SYNE1: variants seen among roughly 807,000 people sequenced by gnomAD.
The protein encoded by SYNE1 is spectrin repeat containing nuclear envelope protein 1.
In SYNE1, 616 loss-of-function variants were observed where a neutral mutation model predicts 1,111.0. The ratio of observed to expected loss-of-function variants is 0.55; its 90% confidence interval spans 0.52 to 0.59. SYNE1 has a LOEUF of 0.59. SYNE1 is among the 20% of genes least tolerant of loss of function. The pLI, the probability that SYNE1 is intolerant of heterozygous loss-of-function variation, is 0.00. For missense variants in SYNE1, 10,006 were observed against 10,417.0 expected, an observed-to-expected ratio of 0.96 and a Z score of 1.72; for synonymous variants, 3,855 against 3,825.8, an observed-to-expected ratio of 1.01 and a Z score of -0.28.
In SYNE1 at chr6:152,220,758, T is replaced by C. The variant is rs1446556379; in HGVS notation, c.21861+84A>G. On this transcript the variant is annotated intron_variant, in intron 119 of 145. Transcript: ENST00000367255. ...GGTAACTGTCTCACATAGAAAGACA[T>C]ACCAAAGCTTACACAGACCAAAAGC... 3.2e-6 allele frequency: 4 copies of C among 1,254,688 alleles called. No homozygotes were observed. In the Admixed American group the frequency reaches 5.0e-5, roughly 16 times the overall value. 77.7% of individuals were successfully genotyped at this position (1,254,688 alleles called of 1,614,324 possible).
At chr6:152,432,558 A>T (rs1476564601) in intron 34 of SYNE1, among the ~76,000 whole-genome samples, 1 of 152,238 alleles carries the variant, frequency 6.6e-6, no homozygotes, top group Non-Finnish European at 1.5e-5. Flanking sequence ...GAAAACATGT[A>T]ATCTTTTTTT....
At chr6:152,588,827 G>A (rs972520321) in intron 3 of SYNE1, among the ~76,000 whole-genome samples, 1 of 152,206 alleles carries the variant, frequency 6.6e-6, no homozygotes, top group African/African-American at 2.4e-5. Context: ...GCCCATCCAG[G>A]TGGGTCCCTG....
At chr6:152,372,214 A>C (rs542711754) in intron 59 of SYNE1, among the ~76,000 whole-genome samples, 1 of 152,198 alleles carries the variant, frequency 6.6e-6, no homozygotes, top group Non-Finnish European at 1.5e-5. Context: ...TCTAGGCACA[A>C]TGGTTATCAC....
chr6:152,445,649 T>C (rs758700619), intron 29 of SYNE1, among the ~76,000 whole-genome samples: 2 of 152,100 alleles, frequency 1.3e-5, no homozygotes, highest in Non-Finnish European at 2.9e-5. Flanking sequence ...ACTCCCAATT[T>C]CAATATAAAT....
rs2095521530 is a variant in SYNE1 at position 152,310,693 on chromosome 6, C to T, written c.16891G>A (p.Ala5631Thr). The change falls in exon 88 of 146, where the codon GCT (alanine) becomes ACT (threonine). Residue 5631 changes from alanine to threonine, a missense_variant. Coordinates refer to ENST00000367255, the MANE Select transcript of SYNE1 (RefSeq NM_182961.4). ...TTTTTTTTTTCTTTTTTTACCTTAG[C>T]TGCATCTTGGAGGTTCTGCAAACGA... Reference protein sequence around the residue: ...KIRLQNLQDAAKDMKKFEAEL... With the variant: ...KIRLQNLQDATKDMKKFEAEL... 3.1e-6 allele frequency: 5 copies of T among 1,613,224 alleles called. No homozygotes were observed. Among genetic ancestry groups the T allele is most frequent in the Non-Finnish European group, 4.2e-6 (5 of 1,179,864 alleles).
chr6:152,497,362 T>G (rs1347882405), intron 11 of SYNE1, among the ~76,000 whole-genome samples: 1 of 152,210 alleles, frequency 6.6e-6, no homozygotes, highest in Non-Finnish European at 1.5e-5. Context: ...GTGAATATAA[T>G]TAAGGTACAT....
chr6:152,168,694 A>G (rs1012035621), intron 130 of SYNE1, among the ~76,000 whole-genome samples: 1 of 152,224 alleles, frequency 6.6e-6, no homozygotes, highest in Non-Finnish European at 1.5e-5. Flanking sequence ...TTTTGGGTTC[A>G]GTATGCCAGC....
chr6:152,565,669 T>TAA lies in SYNE1; in HGVS notation c.68-25650_68-25649dup, dbSNP rs397886571. Among the ~76,000 whole-genome samples the TAA allele has an allele frequency of 4.2e-5, 6 of 141,694 alleles. No homozygotes were observed. In the East Asian group the frequency reaches 1.0e-3, roughly 24 times the overall value. The allele number at this position is 141,694 out of a possible 152,430, so 93.0% of individuals were successfully genotyped here. On this transcript the variant is annotated intron_variant, in intron 3 of 145. Transcript: ENST00000367255. Reference sequence around the variant, plus strand: ...TTCAGACAAGTTCCCTGCTGAAGTTTAAAAAAAAAAAAAAGGAGGCTCTAA... The same window carrying TAA: ...TTCAGACAAGTTCCCTGCTGAAGTTTAAAAAAAAAAAAAAAAGGAGGCTCTAA...
intron 3 of SYNE1, among the ~76,000 whole-genome samples, chr6:152,600,662 T>G (rs1485528616): frequency 6.6e-6 from 1 of 152,190 alleles, no homozygotes; most frequent in Non-Finnish European, 1.5e-5. Context: ...CCAATTTTCA[T>G]GTTCATGTTT....
intron 73 of SYNE1, among the ~76,000 whole-genome samples, chr6:152,346,723 T>C (rs2096641070): frequency 6.6e-6 from 1 of 151,976 alleles, no homozygotes; most frequent in Non-Finnish European, 1.5e-5. Flanking sequence ...AGTAGGAGAA[T>C]GGCGTGAACC....
At position 152,605,027 on chromosome 6, in the gene SYNE1, A is replaced by AGG. The variant is rs1277805800; in HGVS notation, c.67+23237_67+23238insCC. On this transcript the variant is annotated intron_variant, in intron 3 of 145. Coordinates refer to ENST00000367255, the MANE Select transcript of SYNE1 (RefSeq NM_182961.4). ...AAGAAAGAGAGAGAGAGAGAGAGAG[A>AGG]GAGAGAGAGGGAGGGAGGGAGGGAG... 8.4e-4 allele frequency among the ~76,000 whole-genome samples: 57 copies of AGG among 67,726 alleles called. 1 individual carries two copies. The highest frequency in any genetic ancestry group is 3.3e-3 in the South Asian group (4 of 1,224). The allele number at this position is 67,726 out of a possible 152,430, so 44.4% of individuals were successfully genotyped here.
intron 141 of SYNE1, 112 bp from the exon 142 acceptor site, chr6:152,135,344 A>T: frequency 8.6e-7 from 1 of 1,163,588 alleles, no homozygotes; most frequent in Non-Finnish European, 1.2e-6. Flanking sequence ...AAGAACATAC[A>T]TGCAACTCCT....
intron 10 of SYNE1, among the ~76,000 whole-genome samples, chr6:152,501,936 C>T (rs1330325938): frequency 6.6e-6 from 1 of 152,016 alleles, no homozygotes; most frequent in African/African-American, 2.4e-5. Flanking sequence ...TACCATAATT[C>T]TATTTTTATT....
intron 3 of SYNE1, among the ~76,000 whole-genome samples, chr6:152,542,338 T>C (rs1376019135): frequency 2.0e-5 from 3 of 152,176 alleles, no homozygotes; most frequent in South Asian, 2.1e-4. Context: ...ATTGACAGAA[T>C]CCATGACCTC....
At chr6:152,204,282 T>G (rs1053324363) in intron 126 of SYNE1, among the ~76,000 whole-genome samples, 1 of 151,386 alleles carries the variant, frequency 6.6e-6, no homozygotes, top group African/African-American at 2.4e-5. Context: ...CGAGAATCAC[T>G]TGAACCCAGA....
At chr6:152,357,673 T>C (rs2096860781) in intron 66 of SYNE1, among the ~76,000 whole-genome samples, 1 of 152,216 alleles carries the variant, frequency 6.6e-6, no homozygotes, top group Non-Finnish European at 1.5e-5. Context: ...CATCTTTCTA[T>C]GGGTTTGTGT....
chr6:152,367,509 G>A, intron 61 of SYNE1, 127 bp from the exon 62 acceptor site: 1 of 1,067,976 alleles, frequency 9.4e-7, no homozygotes, highest in Non-Finnish European at 1.4e-6. Context: ...AGGCAAGTCT[G>A]GCCTAAATCT....
intron 105 of SYNE1, among the ~76,000 whole-genome samples, chr6:152,246,297 G>T (rs578004839): frequency 2.0e-5 from 3 of 151,648 alleles, no homozygotes; most frequent in South Asian, 2.1e-4. Context: ...ATAAAAGCAA[G>T]CTGGAGGAAA....
At chr6:152,564,597 G>A (rs958479992) in intron 3 of SYNE1, among the ~76,000 whole-genome samples, 6 of 152,108 alleles carry the variant, frequency 3.9e-5, no homozygotes, top group South Asian at 2.1e-4. Context: ...GATTACAGGC[G>A]TGAGCCACCG....
Sources: gnomAD v4.1 joint callset for allele counts (sites outside exome capture counted in the v4.1 genomes callset) on GRCh38, gnomAD v4.1.1 for gene constraint, MANE v1.5 for transcripts, NCBI Gene and HGNC (gene_info 2026-07-23, HGNC 2026-07-21) for gene names.